CDH12: variants seen among roughly 807,000 people sequenced by gnomAD.
CDH12 encodes the protein cadherin-12.
In CDH12, 41 loss-of-function variants were observed where a neutral mutation model predicts 74.1. The observed-to-expected ratio is 0.55, with a 90% CI of 0.43 to 0.72. The LOEUF (loss-of-function observed/expected upper bound fraction) is 0.72. CDH12 is among the 30% of genes least tolerant of loss of function. CDH12 has a pLI of 0.00. For missense variants in CDH12, 945 were observed against 977.2 expected (o/e 0.97, Z 0.44); for synonymous variants, 399 against 355.0 (o/e 1.12, Z -1.39).
At chr5:22,376,863 T>G (rs1258908512) in intron 3 of CDH12, among the ~76,000 whole-genome samples, 3 of 151,978 alleles carry the variant, frequency 2.0e-5, no homozygotes, top group Non-Finnish European at 4.4e-5. Flanking sequence ...CCCATAAGTA[T>G]GTAAAATAGT....
intron 1 of CDH12, among the ~76,000 whole-genome samples, chr5:22,592,170 A>T (rs1580797639): frequency 6.6e-6 from 1 of 152,200 alleles, no homozygotes; most frequent in Non-Finnish European, 1.5e-5. Flanking sequence ...ACTTAGTTAC[A>T]TTTATGAATT....
intron 3 of CDH12, among the ~76,000 whole-genome samples, chr5:22,260,643 T>G (rs996090182): frequency 6.6e-6 from 1 of 151,990 alleles, no homozygotes. Flanking sequence ...AGCACAGAGT[T>G]AGTTTTAAAT....
At chr5:22,447,911 G>A (rs565185269) in intron 2 of CDH12, among the ~76,000 whole-genome samples, 7 of 149,230 alleles carry the variant, frequency 4.7e-5, no homozygotes, top group Admixed American at 2.7e-4. Context: ...GGGGGCCAAA[G>A]CGGGAGTATC....
chr5:21,936,225 C>T (rs887084829), intron 6 of CDH12, among the ~76,000 whole-genome samples: 7 of 152,176 alleles, frequency 4.6e-5, no homozygotes, highest in Admixed American at 3.3e-4. Flanking sequence ...TACAAGGGTT[C>T]CTTTTTCTGT....
intron 2 of CDH12, among the ~76,000 whole-genome samples, chr5:22,489,365 A>T (rs1746760667): frequency 1.3e-5 from 2 of 151,810 alleles, no homozygotes; most frequent in South Asian, 4.1e-4. Context: ...ACAGTTTTTC[A>T]GTATTACTTT....
chr5:22,499,658 A>G (rs549684959), intron 2 of CDH12, among the ~76,000 whole-genome samples: 9 of 152,302 alleles, frequency 5.9e-5, no homozygotes, highest in African/African-American at 2.2e-4. Context: ...TGCCTGCTAA[A>G]TGGAAAAGAT....
chr5:21,756,971 T>C (rs1744433107), intron 13 of CDH12, among the ~76,000 whole-genome samples: 1 of 152,078 alleles, frequency 6.6e-6, no homozygotes, highest in Non-Finnish European at 1.5e-5. Flanking sequence ...GAATCAACAT[T>C]TAAATCTTCA....
intron 3 of CDH12, among the ~76,000 whole-genome samples, chr5:22,379,861 C>T (rs1741686164): frequency 6.6e-6 from 1 of 152,198 alleles, no homozygotes; most frequent in East Asian, 1.9e-4. Context: ...TCACATGATC[C>T]TTCTGCCTCA....
At chr5:22,731,001 T>C (rs796597450) in intron 1 of CDH12, among the ~76,000 whole-genome samples, 29 of 151,936 alleles carry the variant, frequency 1.9e-4, no homozygotes, top group African/African-American at 6.5e-4. Context: ...AATAAGGACG[T>C]GCTGTCTCCT....
chr5:22,110,220 T>G (rs1440671666), intron 4 of CDH12, among the ~76,000 whole-genome samples: 1 of 152,208 alleles, frequency 6.6e-6, no homozygotes, highest in African/African-American at 2.4e-5. Context: ...TGCTGTGTTT[T>G]GTTTAAGTGC....
chr5:22,415,227 G>GT (rs1007018520), intron 2 of CDH12, among the ~76,000 whole-genome samples: 11 of 94,530 alleles, frequency 1.2e-4, no homozygotes, highest in East Asian at 2.8e-4. Context: ...TTGACACAAT[G>GT]TTTTTTTTTG....
At chr5:22,530,273 T>C (rs1396321055) in intron 1 of CDH12, among the ~76,000 whole-genome samples, 2 of 152,154 alleles carry the variant, frequency 1.3e-5, no homozygotes, top group Admixed American at 6.5e-5. Flanking sequence ...ATGCTTTTCA[T>C]TTTGTCCTAA....
chr5:22,370,453 G>A (rs2126340677), intron 3 of CDH12, among the ~76,000 whole-genome samples: 1 of 152,168 alleles, frequency 6.6e-6, no homozygotes, highest in Middle Eastern at 3.4e-3. Context: ...AATTTTTTGT[G>A]TGAATAAATT....
intron 8 of CDH12, among the ~76,000 whole-genome samples, chr5:21,825,480 A>G (rs1305700947): frequency 6.6e-6 from 1 of 152,150 alleles, no homozygotes. Context: ...TCTTGATGAG[A>G]CACAAACTGC....
chr5:22,676,431 C>T (rs1167288763), intron 1 of CDH12, among the ~76,000 whole-genome samples: 2 of 152,126 alleles, frequency 1.3e-5, no homozygotes, highest in African/African-American at 4.8e-5. Context: ...CTCCACCAGC[C>T]GTAGGCCATG....
intron 1 of CDH12, among the ~76,000 whole-genome samples, chr5:22,739,769 T>A (rs1197644501): frequency 6.6e-6 from 1 of 151,998 alleles, no homozygotes; most frequent in African/African-American, 2.4e-5. Flanking sequence ...TTTTCAACCC[T>A]CTGTTATGAA....
chr5:22,836,221 C>CTTTTTTTTTTTTTTTTTTTT (rs1561065927), intron 1 of CDH12, among the ~76,000 whole-genome samples: 1 of 13,288 alleles, frequency 7.5e-5, no homozygotes, highest in Non-Finnish European at 1.4e-4. Context: ...TTCTTTCTTT[C>CTTTTTTTTTTTTTTTTTTTT]TCTTTTTTTT....
chr5:22,661,799 T>C (rs1740362619), intron 1 of CDH12, among the ~76,000 whole-genome samples: 1 of 152,154 alleles, frequency 6.6e-6, no homozygotes. Context: ...CGTAGACTCT[T>C]AGGACAGGCT....
rs769716433 is a variant in CDH12, at chr5:21,752,242, A to G, written c.1886-6T>C. 5.7e-5 allele frequency: 90 copies of G among 1,567,140 alleles called. No homozygotes were observed. Among genetic ancestry groups the G allele is most frequent in the Non-Finnish European group, 7.7e-5 (89 of 1,157,840 alleles). On this transcript the variant is annotated splice_polypyrimidine_tract_variant and splice_region_variant and intron_variant, in intron 14 of 14. Coordinates refer to ENST00000382254, the MANE Select transcript of CDH12 (RefSeq NM_004061.5). Reference sequence around the variant, plus strand: ...TACATACAGTACAACTATGGCTGGAACAAGACAAAAATTGCAATTTGAGAA... The same window carrying G: ...TACATACAGTACAACTATGGCTGGAGCAAGACAAAAATTGCAATTTGAGAA...
Sources: allele counts gnomAD v4.1 joint callset (sites outside exome capture counted in the v4.1 genomes callset), GRCh38; gene constraint gnomAD v4.1.1; transcripts MANE v1.5; gene names NCBI Gene and HGNC (gene_info 2026-07-23, HGNC 2026-07-21).